The following STK17A variants were observed in gnomAD, a reference collection of about 807,000 sequenced individuals.
The protein encoded by STK17A is serine/threonine-protein kinase 17A.
A neutral mutation model predicts 43.7 loss-of-function variants in STK17A; 26 were observed. The ratio of observed to expected loss-of-function variants is 0.60; its 90% CI spans 0.44 to 0.83. The LOEUF is 0.83. Ranked by LOEUF, STK17A falls within the 40% of genes least tolerant of loss-of-function variation. The pLI is 0.00. For missense variants in STK17A, 476 were observed against 511.6 expected (o/e 0.93, Z 0.67); for synonymous variants, 191 against 182.5 (o/e 1.05, Z -0.38).
At chr7:43,617,807 G>A (rs762077839) in intron 3 of STK17A, among the ~76,000 whole-genome samples, 7 of 152,140 alleles carry the variant, frequency 4.6e-5, no homozygotes, top group Non-Finnish European at 8.8e-5. Context: ...TCAAGATCAA[G>A]CCTTGAGAAA....
chr7:43,621,735 A>G (rs942139509), intron 4 of STK17A, among the ~76,000 whole-genome samples: 3 of 152,218 alleles, frequency 2.0e-5, no homozygotes, highest in African/African-American at 7.2e-5. Context: ...TAAATTTTCT[A>G]TCAAGAGCCT....
intron 2 of STK17A, among the ~76,000 whole-genome samples, chr7:43,602,515 T>C (rs559810079): frequency 6.6e-6 from 1 of 152,352 alleles, no homozygotes; most frequent in South Asian, 2.1e-4. Flanking sequence ...ATTAGTCTCC[T>C]CATTTTAGTA....
At chr7:43,601,688 A>G (rs1043501168) in intron 2 of STK17A, among the ~76,000 whole-genome samples, 3 of 151,948 alleles carry the variant, frequency 2.0e-5, no homozygotes, top group Non-Finnish European at 2.9e-5. Context: ...AGCACCTCAC[A>G]TTATTTCCCT....
chr7:43,591,681 A>C (rs2082480993), intron 1 of STK17A, among the ~76,000 whole-genome samples: 1 of 151,646 alleles, frequency 6.6e-6, no homozygotes, highest in South Asian at 2.1e-4. Context: ...CAGATGAATA[A>C]GTATGGGGAA....
At chr7:43,599,946 G>C (rs1433139745) in intron 2 of STK17A, among the ~76,000 whole-genome samples, 1 of 152,138 alleles carries the variant, frequency 6.6e-6, no homozygotes, top group Admixed American at 6.5e-5. Flanking sequence ...ATTGGTCCCA[G>C]CTCTGAGAGA....
At chr7:43,593,698 A>C (rs201993883) in intron 1 of STK17A, among the ~76,000 whole-genome samples, 16,471 of 109,440 alleles carry the variant, frequency 0.15, 1,012 homozygotes, top group Admixed American at 0.26. Flanking sequence ...TGTTCATATA[A>C]AAAAAAAAAA....
chr7:43,619,298 C>T (rs2083630844), intron 3 of STK17A, among the ~76,000 whole-genome samples: 1 of 152,096 alleles, frequency 6.6e-6, no homozygotes, highest in African/African-American at 2.4e-5. Context: ...TAGGAGCAAG[C>T]GTGCTGCATG....
At chr7:43,583,567 C>T (rs1450596761) in intron 1 of STK17A, 118 bp downstream of exon 1, 3 of 937,232 alleles carry the variant, frequency 3.2e-6, no homozygotes. Flanking sequence ...CTGCCGATAA[C>T]GCGCGTTGTG....
chr7:43,608,012 A>T (rs9655445), intron 2 of STK17A, among the ~76,000 whole-genome samples: 40,340 of 152,116 alleles, frequency 0.27, 6,076 homozygotes, highest in Non-Finnish European at 0.33. Flanking sequence ...CTGGGTACAA[A>T]GGCTTATACG....
intron 6 of STK17A, 94 bp from the exon 7 acceptor site, chr7:43,624,424 T>G: frequency 7.9e-7 from 1 of 1,273,252 alleles, no homozygotes; most frequent in African/African-American, 1.5e-5. Flanking sequence ...CTTGTCAGAC[T>G]TCCCAAAATA....
chr7:43,616,705 G>A (rs1025024421), intron 3 of STK17A, among the ~76,000 whole-genome samples: 1 of 152,152 alleles, frequency 6.6e-6, no homozygotes, highest in Non-Finnish European at 1.5e-5. Context: ...AGACCATCCT[G>A]GCTAACACGG....
chr7:43,583,916 C>G (rs775868842), intron 1 of STK17A, among the ~76,000 whole-genome samples: 26 of 152,176 alleles, frequency 1.7e-4, no homozygotes, highest in Non-Finnish European at 3.2e-4. Context: ...TTCCTTTGCA[C>G]CGGCGCTCTG....
At chr7:43,597,663 C>A (rs956646215) in intron 2 of STK17A, among the ~76,000 whole-genome samples, 20 of 152,180 alleles carry the variant, frequency 1.3e-4, no homozygotes, top group East Asian at 7.7e-4. Flanking sequence ...GGTTTACAGG[C>A]GTGAGCCCAG....
intron 2 of STK17A, among the ~76,000 whole-genome samples, chr7:43,603,966 C>G (rs1231589164): frequency 6.6e-6 from 1 of 152,008 alleles, no homozygotes; most frequent in African/African-American, 2.4e-5. Context: ...ATATGAAATC[C>G]CAAATGCTTC....
At chr7:43,597,354 C>T (rs368846632) in intron 2 of STK17A, among the ~76,000 whole-genome samples, 23 of 150,852 alleles carry the variant, frequency 1.5e-4, no homozygotes, top group African/African-American at 4.9e-4. Flanking sequence ...TTATTTGGTG[C>T]GGTGGCTCAT....
At chr7:43,592,356 G>T (rs1474054518) in intron 1 of STK17A, among the ~76,000 whole-genome samples, 1 of 151,402 alleles carries the variant, frequency 6.6e-6, no homozygotes. Flanking sequence ...CTGAATAAGG[G>T]TGCTGCTAGG....
Position 43,596,026 on chromosome 7 carries a change from T to C in STK17A, c.332T>C (p.Val111Ala), listed in dbSNP as rs1450239470. ...ATGGAAATAATTCATGAGATTGCTGTACTTGAACTAGCACAAGACAATCCT... is the reference window on the plus strand; with the variant it reads ...ATGGAAATAATTCATGAGATTGCTGCACTTGAACTAGCACAAGACAATCCT... ...CRMEIIHEIA[V>A]LELAQDNPWV... The change falls in exon 2 of 7, where the codon GTA becomes GCA. Residue 111 changes from valine (V) to alanine (A), a missense_variant. Around this residue, in one of 3 missense-constraint regions of STK17A, gnomAD observed 320 missense variants for 326.3 expected, o/e 0.98. Transcript: ENST00000319357. 6.2e-7 allele frequency: 1 copy of C among 1,613,956 alleles called. No homozygotes were observed. The highest frequency in any genetic ancestry group is 8.5e-7 in the Non-Finnish European group (1 of 1,179,936).
intron 3 of STK17A, among the ~76,000 whole-genome samples, chr7:43,614,133 C>T (rs929101549): frequency 5.9e-5 from 9 of 152,162 alleles, no homozygotes; most frequent in Non-Finnish European, 1.3e-4. Context: ...AGCAGGTTAA[C>T]CTCAACTTTA....
At chr7:43,617,866 T>C (rs756775273) in intron 3 of STK17A, among the ~76,000 whole-genome samples, 1 of 152,084 alleles carries the variant, frequency 6.6e-6, no homozygotes, top group African/African-American at 2.4e-5. Context: ...TCAGAGGAGA[T>C]GGAAGACACA....
Sources: gnomAD v4.1 joint callset for allele counts (sites outside exome capture counted in the v4.1 genomes callset) on GRCh38, gnomAD v4.1.1 for gene constraint, gnomAD v4.1.1 regional missense constraint, MANE v1.5 for transcripts, NCBI Gene and HGNC (gene_info 2026-07-23, HGNC 2026-07-21) for gene names.